The following FYN variants were observed in gnomAD, a reference collection of about 807,000 sequenced individuals.
FYN encodes tyrosine-protein kinase Fyn.
In FYN, 10 loss-of-function variants were observed where a neutral mutation model predicts 70.2. The ratio of observed to expected loss-of-function variants is 0.14; its 90% CI spans 0.09 to 0.24. The LOEUF (loss-of-function observed/expected upper bound fraction) is 0.24, where lower values mean the gene tolerates loss of function less well. FYN is among the 10% of genes least tolerant of loss of function. The pLI, the probability that FYN is intolerant of heterozygous loss-of-function variation, is 1.00. For missense variants in FYN, 319 were observed against 673.1 expected (o/e 0.47, Z 5.82); for synonymous variants, 236 against 248.6 (o/e 0.95, Z 0.48).
intron 1 of FYN, among the ~76,000 whole-genome samples, chr6:111,856,712 T>C (rs189360133): frequency 5.9e-5 from 9 of 152,240 alleles, no homozygotes; most frequent in Non-Finnish European, 1.0e-4. Context: ...AATTATGTGG[T>C]TCTCCATCTC....
chr6:111,756,366 A>C (rs1802734465), intron 3 of FYN, among the ~76,000 whole-genome samples: 2 of 152,174 alleles, frequency 1.3e-5, no homozygotes, highest in South Asian at 4.1e-4. Flanking sequence ...ACCCAAAAAA[A>C]TCCAAAAACC....
intron 2 of FYN, among the ~76,000 whole-genome samples, chr6:111,794,231 G>A (rs1405623398): frequency 6.6e-6 from 1 of 152,232 alleles, no homozygotes; most frequent in Non-Finnish European, 1.5e-5. Flanking sequence ...ACTTTTCGGT[G>A]TCAACTCTAT....
At chr6:111,804,249 C>CGA (rs1772078696) in intron 2 of FYN, among the ~76,000 whole-genome samples, 1 of 152,122 alleles carries the variant, frequency 6.6e-6, no homozygotes, top group African/African-American at 2.4e-5. Context: ...TGAAGAACAC[C>CGA]CACATCCCCT....
chr6:111,828,932 A>G (rs1772923691), intron 2 of FYN, among the ~76,000 whole-genome samples: 1 of 152,216 alleles, frequency 6.6e-6, no homozygotes, highest in Non-Finnish European at 1.5e-5. Context: ...ACAACACATT[A>G]AACAGTCTTT....
intron 12 of FYN, among the ~76,000 whole-genome samples, chr6:111,689,394 C>T (rs759871012): frequency 6.6e-6 from 1 of 152,202 alleles, no homozygotes; most frequent in Non-Finnish European, 1.5e-5. Context: ...TCCACAAAAT[C>T]TGTTAGGCAG....
chr6:111,850,123 A>C (rs2114489573), intron 1 of FYN, among the ~76,000 whole-genome samples: 1 of 152,324 alleles, frequency 6.6e-6, no homozygotes, highest in Admixed American at 6.5e-5. Context: ...TTGCTATTGA[A>C]AGAGATTCAA....
intron 2 of FYN, among the ~76,000 whole-genome samples, chr6:111,784,066 C>T (rs1771276142): frequency 6.6e-6 from 1 of 152,170 alleles, no homozygotes; most frequent in African/African-American, 2.4e-5. Flanking sequence ...CTGGGAGCTT[C>T]TACTCACTCC....
At chr6:111,818,031 A>G (rs557973218) in intron 2 of FYN, among the ~76,000 whole-genome samples, 1 of 152,360 alleles carries the variant, frequency 6.6e-6, no homozygotes, top group South Asian at 2.1e-4. Flanking sequence ...AAGAGCACAC[A>G]GATGACCTGA....
intron 2 of FYN, among the ~76,000 whole-genome samples, chr6:111,826,578 T>C (rs1359406051): frequency 3.3e-5 from 5 of 152,190 alleles, no homozygotes; most frequent in African/African-American, 1.2e-4. Context: ...CTTAATGACA[T>C]ACTTGATCTT....
At chr6:111,723,482 T>C (rs1801047550) in intron 3 of FYN, among the ~76,000 whole-genome samples, 1 of 152,246 alleles carries the variant, frequency 6.6e-6, no homozygotes, top group Admixed American at 6.5e-5. Flanking sequence ...AATGTTTCTA[T>C]ACAGATCTTG....
chr6:111,755,081 G>C (rs1255999539), intron 3 of FYN, among the ~76,000 whole-genome samples: 6 of 151,682 alleles, frequency 4.0e-5, no homozygotes, highest in Non-Finnish European at 7.4e-5. Context: ...CTTGACAATA[G>C]AGATTTCTTG....
At chr6:111,685,091 C>A (rs1182274089) in intron 12 of FYN, among the ~76,000 whole-genome samples, 1 of 152,308 alleles carries the variant, frequency 6.6e-6, no homozygotes, top group East Asian at 1.9e-4. Flanking sequence ...GCTATGTTTG[C>A]GGACTTTCAA....
intron 2 of FYN, among the ~76,000 whole-genome samples, chr6:111,821,237 T>G (rs921752828): frequency 6.6e-6 from 1 of 151,760 alleles, no homozygotes; most frequent in African/African-American, 2.4e-5. Context: ...CAAACTATAC[T>G]ACAAGGCTAC....
rs150686704 is a variant in FYN at position 111,666,418 on chromosome 6, A to G, written c.1406-4471T>C. 2.3e-3 allele frequency among the ~76,000 whole-genome samples: 348 copies of G among 152,052 alleles called. 4 individuals are homozygous for G. Among genetic ancestry groups the G allele is most frequent in the Admixed American group, 0.017 (257 of 15,286 alleles). ...CAGCAAGCACAGAGGCCACTGCCCA[A>G]TTTTGTTCCAACCCTCTCCTCCTCT... On this transcript the variant is annotated intron_variant, in intron 13 of 13. Transcript: ENST00000354650.
At chr6:111,673,496 A>C (rs1798390213) in intron 13 of FYN, among the ~76,000 whole-genome samples, 1 of 152,212 alleles carries the variant, frequency 6.6e-6, no homozygotes, top group African/African-American at 2.4e-5. Flanking sequence ...ATCATAAAAA[A>C]GGAACAAAGG....
intron 2 of FYN, among the ~76,000 whole-genome samples, chr6:111,829,197 A>C (rs1016179938): frequency 4.6e-5 from 7 of 152,194 alleles, no homozygotes; most frequent in African/African-American, 1.4e-4. Context: ...AGATTTTCAA[A>C]ACAGTCTTAA....
chr6:111,756,423 A>G (rs1186922994), intron 3 of FYN, among the ~76,000 whole-genome samples: 1 of 152,054 alleles, frequency 6.6e-6, no homozygotes, highest in Non-Finnish European at 1.5e-5. Context: ...AAGTAAAAAA[A>G]AAATCTGTGT....
intron 1 of FYN, among the ~76,000 whole-genome samples, chr6:111,860,847 A>T (rs1773943463): frequency 6.6e-6 from 1 of 152,216 alleles, no homozygotes; most frequent in South Asian, 2.1e-4. Context: ...TCTGAAATCA[A>T]GAATCTGTTG....
At chr6:111,687,141 T>C (rs1223505851) in intron 12 of FYN, among the ~76,000 whole-genome samples, 2 of 152,264 alleles carry the variant, frequency 1.3e-5, no homozygotes, top group East Asian at 3.8e-4. Context: ...TTCTAAAATA[T>C]GTTTTCTATG....
Sources: allele counts gnomAD v4.1 joint callset (sites outside exome capture counted in the v4.1 genomes callset), GRCh38; gene constraint gnomAD v4.1.1; transcripts MANE v1.5; gene names NCBI Gene and HGNC (gene_info 2026-07-23, HGNC 2026-07-21).